ROBO2: variants seen among roughly 807,000 people sequenced by gnomAD.
The protein encoded by ROBO2 is roundabout homolog 2.
ROBO2 carries 53 observed loss-of-function variants against 160.8 expected under a neutral mutation model. The observed-to-expected ratio is 0.33, with a 90% CI of 0.26 to 0.41. The LOEUF is 0.41. Among genes scored for constraint, ROBO2 ranks in the 10% least tolerant of loss-of-function variants. ROBO2 has a pLI of 1.00. For missense variants in ROBO2, 1,577 were observed against 1,722.4 expected, an observed-to-expected ratio of 0.92 and a Z score of 1.49; for synonymous variants, 664 against 611.7, an observed-to-expected ratio of 1.09 and a Z score of -1.26.
At chr3:76,342,419 A>G (rs1471914094) in intron 2 of ROBO2, among the ~76,000 whole-genome samples, 1 of 152,128 alleles carries the variant, frequency 6.6e-6, no homozygotes, top group African/African-American at 2.4e-5. Flanking sequence ...TTATAGAAGC[A>G]ACACAGATGA....
At chr3:76,645,204 C>T (rs1044010230) in intron 2 of ROBO2, among the ~76,000 whole-genome samples, 3 of 152,150 alleles carry the variant, frequency 2.0e-5, no homozygotes, top group Admixed American at 6.5e-5. Flanking sequence ...ATCTCTGCTG[C>T]TATTTTAAGA....
chr3:77,068,433 A>G lies in ROBO2; in HGVS notation c.61+27587A>G, dbSNP rs1304627314. ...AGGAGAATGAACGAATCACCACCCT[A>G]TTAAGAATATAATCTTTGTTTAAAT... On this transcript the variant is annotated intron_variant, in intron 1 of 25. Coordinates refer to ENST00000461745, the Ensembl canonical transcript of ROBO2. Among the ~76,000 whole-genome samples, 4 of 152,112 alleles carry G rather than the reference A, an allele frequency of 2.6e-5. No homozygotes were observed. The East Asian group carries it at 7.7e-4, about 29-fold the overall frequency.
At chr3:76,090,095 T>G (rs554707175) in intron 2 of ROBO2, among the ~76,000 whole-genome samples, 1 of 152,288 alleles carries the variant, frequency 6.6e-6, no homozygotes, top group Non-Finnish European at 1.5e-5. Context: ...CAAAATGATA[T>G]ACTTAGGTAT....
At chr3:76,106,320 C>T (rs141924932) in intron 2 of ROBO2, among the ~76,000 whole-genome samples, 292 of 152,046 alleles carry the variant, frequency 1.9e-3, no homozygotes, top group Non-Finnish European at 3.4e-3. Context: ...TCTCAATCTG[C>T]GTGATATTAT....
At chr3:77,522,841 T>C in exon 6 of ROBO2, 1 of 1,609,768 alleles carries the variant, frequency 6.2e-7, no homozygotes, top group South Asian at 1.1e-5. Context: ...AAGGCACCTA[T>C]ATGTGTATTG....
chr3:75,921,077 T>A (rs1576143843), intron 1 of ROBO2, among the ~76,000 whole-genome samples: 2 of 152,166 alleles, frequency 1.3e-5, no homozygotes, highest in East Asian at 3.9e-4. Flanking sequence ...GTGATCATGA[T>A]GCTAGCTGGT....
chr3:76,754,934 C>G (rs749813960), intron 2 of ROBO2, among the ~76,000 whole-genome samples: 39 of 151,684 alleles, frequency 2.6e-4, no homozygotes, highest in Non-Finnish European at 4.0e-4. Context: ...CAACTAGAAA[C>G]CTTTAAGTGA....
chr3:76,732,628 A>G (rs1466047356), intron 2 of ROBO2, among the ~76,000 whole-genome samples: 1 of 152,132 alleles, frequency 6.6e-6, no homozygotes, highest in Non-Finnish European at 1.5e-5. Flanking sequence ...TGCTACACAA[A>G]GGCACTTACT....
chr3:77,306,144 G>A (rs1221294671), intron 2 of ROBO2, among the ~76,000 whole-genome samples: 1 of 152,016 alleles, frequency 6.6e-6, no homozygotes, highest in East Asian at 1.9e-4. Context: ...TGATGAAATA[G>A]TAAATTCATT....
intron 2 of ROBO2, among the ~76,000 whole-genome samples, chr3:77,208,685 A>G (rs1415947009): frequency 1.3e-5 from 2 of 152,214 alleles, no homozygotes; most frequent in Non-Finnish European, 2.9e-5. Flanking sequence ...TTATGGTTCT[A>G]TGCCTTATGA....
At chr3:76,662,351 G>A (rs549618710) in intron 2 of ROBO2, among the ~76,000 whole-genome samples, 4 of 152,016 alleles carry the variant, frequency 2.6e-5, no homozygotes, top group South Asian at 4.2e-4. Flanking sequence ...CATTATTGTG[G>A]GTACATAGTA....
chr3:76,598,276 G>A (rs953668605), intron 2 of ROBO2, among the ~76,000 whole-genome samples: 1 of 152,048 alleles, frequency 6.6e-6, no homozygotes, highest in African/African-American at 2.4e-5. Flanking sequence ...GGATGGGAAG[G>A]AAGGGAAGAG....
intron 2 of ROBO2, among the ~76,000 whole-genome samples, chr3:77,457,315 C>G (rs1412120564): frequency 2.6e-5 from 4 of 151,998 alleles, no homozygotes; most frequent in African/African-American, 7.2e-5. Flanking sequence ...TTTTTTCTTT[C>G]TGTGAGCTCT....
chr3:76,705,859 A>G (rs2093150178), intron 2 of ROBO2, among the ~76,000 whole-genome samples: 1 of 152,150 alleles, frequency 6.6e-6, no homozygotes, highest in Non-Finnish European at 1.5e-5. Context: ...CTGTGATCTC[A>G]AAATGACTTC....
intron 6 of ROBO2, among the ~76,000 whole-genome samples, chr3:77,542,754 C>T (rs1478928248): frequency 6.6e-6 from 1 of 152,166 alleles, no homozygotes; most frequent in Non-Finnish European, 1.5e-5. Flanking sequence ...TAAAAATTCT[C>T]AACTGGATTC....
chr3:76,789,775 A>C (rs527491955), intron 2 of ROBO2, among the ~76,000 whole-genome samples: 2 of 151,774 alleles, frequency 1.3e-5, no homozygotes, highest in South Asian at 4.1e-4. Flanking sequence ...GATTTAAGAA[A>C]TAGAACGTCA....
chr3:76,308,661 A>G lies in ROBO2; in HGVS notation c.109+371059A>G, dbSNP rs1168193026. Among the ~76,000 whole-genome samples, 3 of 152,020 alleles carry G rather than the reference A, an allele frequency of 2.0e-5. No homozygotes were observed. In the East Asian group the frequency reaches 5.8e-4, roughly 30 times the overall value. On this transcript the variant is annotated intron_variant, in intron 2 of 26. Transcript: ENST00000487694. ...CATTTGCTACCCTCACTATTTCCAT[A>G]TGAGGAGGCTTTCTCTTCTCTCTTC... is the stretch of plus-strand genomic sequence containing the variant.
chr3:76,855,758 T>C (rs189230517), intron 2 of ROBO2, among the ~76,000 whole-genome samples: 48 of 152,338 alleles, frequency 3.2e-4, no homozygotes. Flanking sequence ...GCTTTGTTTC[T>C]TAATTCATAA....
chr3:76,760,111 G>A (rs13079789), intron 2 of ROBO2, among the ~76,000 whole-genome samples: 21,559 of 151,748 alleles, frequency 0.14, 1,753 homozygotes, highest in African/African-American at 0.22. Flanking sequence ...GAGACTAGAG[G>A]TAGCTGTTGT....
Sources: allele counts gnomAD v4.1 joint callset (sites outside exome capture counted in the v4.1 genomes callset), GRCh38; gene constraint gnomAD v4.1.1; transcripts MANE v1.5; gene names NCBI Gene and HGNC (gene_info 2026-07-23, HGNC 2026-07-21).